The following THSD7B variants were observed in gnomAD, a reference collection of about 807,000 sequenced individuals.
THSD7B encodes thrombospondin type-1 domain-containing protein 7B.
THSD7B carries 138 observed loss-of-function variants against 213.6 expected under a neutral mutation model. The ratio of observed to expected loss-of-function variants is 0.65; its 90% CI spans 0.56 to 0.74. THSD7B has a LOEUF of 0.74. Ranked by LOEUF, THSD7B falls within the 30% of genes least tolerant of loss-of-function variation. The pLI is 0.00. For missense variants in THSD7B, 1,931 were observed against 1,991.5 expected (o/e 0.97, Z 0.58); for synonymous variants, 742 against 687.0 (o/e 1.08, Z -1.25).
chr2:137,069,924 T>C (rs1687448926), intron 3 of THSD7B, among the ~76,000 whole-genome samples: 1 of 151,144 alleles, frequency 6.6e-6, no homozygotes, highest in Non-Finnish European at 1.5e-5. Flanking sequence ...TGTGGAAATA[T>C]ATATGTAGTT....
intron 15 of THSD7B, among the ~76,000 whole-genome samples, chr2:137,543,461 T>A (rs773970261): frequency 6.6e-6 from 1 of 151,788 alleles, no homozygotes; most frequent in African/African-American, 2.4e-5. Flanking sequence ...CTCCCTCATA[T>A]CATATGAAGA....
At chr2:136,900,340 A>G (rs1033005154) in intron 2 of THSD7B, among the ~76,000 whole-genome samples, 6 of 152,190 alleles carry the variant, frequency 3.9e-5, no homozygotes, top group African/African-American at 1.4e-4. Context: ...TGTGATAGCT[A>G]AAAAGTTTCC....
chr2:136,768,339 G>A (rs1315307492), intron 1 of THSD7B, among the ~76,000 whole-genome samples: 2 of 152,182 alleles, frequency 1.3e-5, no homozygotes, highest in African/African-American at 4.8e-5. Context: ...TCTAAAGCAT[G>A]TCAACTCACT....
At chr2:137,046,541 C>T (rs1298119029) in intron 2 of THSD7B, among the ~76,000 whole-genome samples, 1 of 151,840 alleles carries the variant, frequency 6.6e-6, no homozygotes, top group East Asian at 1.9e-4. Context: ...AGCAGCCTGG[C>T]CAACATGGCG....
chr2:137,223,625 A>G (rs1234528313), intron 7 of THSD7B, among the ~76,000 whole-genome samples: 3 of 152,124 alleles, frequency 2.0e-5, no homozygotes, highest in African/African-American at 7.2e-5. Context: ...CCTGCATTTT[A>G]GTTATAGTAA....
intron 10 of THSD7B, among the ~76,000 whole-genome samples, chr2:137,251,563 C>T (rs955812720): frequency 2.0e-5 from 3 of 152,078 alleles, no homozygotes; most frequent in East Asian, 1.9e-4. Context: ...GATAGGGTTT[C>T]GTTCTTGATA....
intron 1 of THSD7B, among the ~76,000 whole-genome samples, chr2:136,841,732 G>A (rs1461342793): frequency 6.6e-6 from 1 of 152,034 alleles, no homozygotes; most frequent in Non-Finnish European, 1.5e-5. Flanking sequence ...GAACTTCCTG[G>A]TGGGGATGCA....
At chr2:137,377,544 G>T (rs184713806) in intron 12 of THSD7B, among the ~76,000 whole-genome samples, 1 of 151,942 alleles carries the variant, frequency 6.6e-6, no homozygotes, top group Non-Finnish European at 1.5e-5. Flanking sequence ...TGATGTCTGA[G>T]CTCAGTTTAA....
intron 2 of THSD7B, among the ~76,000 whole-genome samples, chr2:137,038,335 C>G (rs367663460): frequency 5.6e-4 from 85 of 152,178 alleles, no homozygotes; most frequent in African/African-American, 1.9e-3. Context: ...GCTAAATGGT[C>G]ACATTTAAAC....
At chr2:136,798,476 A>G (rs1384605685) in intron 1 of THSD7B, among the ~76,000 whole-genome samples, 3 of 151,882 alleles carry the variant, frequency 2.0e-5, no homozygotes, top group Non-Finnish European at 4.4e-5. Context: ...TCACTAAAGC[A>G]TGTTGAGTGG....
At chr2:137,443,344 G>C (rs1176861643) in intron 14 of THSD7B, among the ~76,000 whole-genome samples, 12 of 152,082 alleles carry the variant, frequency 7.9e-5, no homozygotes, top group Non-Finnish European at 1.5e-5. Flanking sequence ...CAAGCCATTA[G>C]CCAAATCCTG....
At chr2:136,775,952 C>T (rs1441607947) in intron 1 of THSD7B, among the ~76,000 whole-genome samples, 2 of 152,120 alleles carry the variant, frequency 1.3e-5, no homozygotes, top group Admixed American at 6.6e-5. Flanking sequence ...TTCTTCTCAG[C>T]CTACTGGGTT....
intron 2 of THSD7B, among the ~76,000 whole-genome samples, chr2:136,894,890 T>G (rs1683928565): frequency 6.6e-6 from 1 of 152,202 alleles, no homozygotes. Flanking sequence ...CTCCAATATT[T>G]TCCTCTGATA....
intron 15 of THSD7B, among the ~76,000 whole-genome samples, chr2:137,496,077 A>G (rs1278013278): frequency 6.6e-6 from 1 of 152,180 alleles, no homozygotes; most frequent in Non-Finnish European, 1.5e-5. Flanking sequence ...GAGTCACAAA[A>G]ATTTAAGAGA....
At chr2:137,077,693 T>G (rs1687659942) in intron 3 of THSD7B, among the ~76,000 whole-genome samples, 1 of 151,614 alleles carries the variant, frequency 6.6e-6, no homozygotes, top group Non-Finnish European at 1.5e-5. Flanking sequence ...TCTTGTAAAT[T>G]TGTTTGAGTT....
intron 1 of THSD7B, among the ~76,000 whole-genome samples, chr2:136,861,967 G>T (rs1683264335): frequency 6.6e-6 from 1 of 152,258 alleles, no homozygotes; most frequent in South Asian, 2.1e-4. Flanking sequence ...TGTTAATGCT[G>T]GTTGTTGGCA....
intron 1 of THSD7B, among the ~76,000 whole-genome samples, chr2:136,873,427 A>C (rs1683474878): frequency 6.6e-6 from 1 of 152,174 alleles, no homozygotes; most frequent in Non-Finnish European, 1.5e-5. Flanking sequence ...GGCCTGAACA[A>C]GTTACTAAAC....
chr2:137,468,598 A>C (rs1292037119), intron 15 of THSD7B, among the ~76,000 whole-genome samples: 1 of 76,996 alleles, frequency 1.3e-5, no homozygotes, highest in African/African-American at 5.1e-5. Flanking sequence ...TAAAAGCTTC[A>C]GAGGCAAATA....
chr2:137,466,600 G>A (rs1257307653), intron 15 of THSD7B, among the ~76,000 whole-genome samples: 1 of 151,990 alleles, frequency 6.6e-6, no homozygotes, highest in East Asian at 1.9e-4. Flanking sequence ...CCAAAAGATT[G>A]GACACGCCTA....
Sources: gnomAD v4.1 joint callset for allele counts (sites outside exome capture counted in the v4.1 genomes callset) on GRCh38, gnomAD v4.1.1 for gene constraint, MANE v1.5 for transcripts, NCBI Gene and HGNC (gene_info 2026-07-23, HGNC 2026-07-21) for gene names.